The following PCDH11X variants were observed in gnomAD, a reference collection of about 807,000 sequenced individuals.
The protein encoded by PCDH11X is protocadherin-11 X-linked.
In PCDH11X, 18 loss-of-function variants were observed where a neutral mutation model predicts 53.3. That is an observed-to-expected ratio of 0.34 (90% CI 0.23 to 0.50). The LOEUF is 0.50. Among genes scored for constraint, PCDH11X ranks in the 20% least tolerant of loss-of-function variants. The pLI is 0.98. For missense variants in PCDH11X, 570 were observed against 1,032.4 expected, an observed-to-expected ratio of 0.55 and a Z score of 6.14; for synonymous variants, 279 against 393.3, an observed-to-expected ratio of 0.71 and a Z score of 3.44.
At chrX:92,355,126 C>G (rs1284340506) in intron 8 of PCDH11X, among the ~76,000 whole-genome samples, 28 of 107,516 alleles carry the variant, frequency 2.6e-4, no homozygotes, top group Non-Finnish European at 5.3e-4. Flanking sequence ...TTGACTACTT[C>G]TCATTAAAAG....
At chrX:92,561,409 C>T (rs1408003652) in intron 10 of PCDH11X, among the ~76,000 whole-genome samples, 1 of 71,636 alleles carries the variant, frequency 1.4e-5, no homozygotes, top group Non-Finnish European at 2.8e-5. Flanking sequence ...CAAGATAACA[C>T]AGAGAAGTTA....
intron 9 of PCDH11X, among the ~76,000 whole-genome samples, chrX:92,429,246 C>G (rs1265460171): frequency 9.0e-6 from 1 of 110,714 alleles, no homozygotes; most frequent in Non-Finnish European, 1.9e-5. Context: ...CTCCTGAGAA[C>G]ATAGGACGCA....
At chrX:92,077,621 G>GAA (rs1209651633) in intron 6 of PCDH11X, among the ~76,000 whole-genome samples, 211 of 72,716 alleles carry the variant, frequency 2.9e-3, no homozygotes, top group Middle Eastern at 0.016. Flanking sequence ...AGGAAGGAAG[G>GAA]GAGGAAGGAA....
Position 92,290,123 on chromosome X carries a change from A to C in PCDH11X, c.3144+26980A>C, listed in dbSNP as rs750858929. Among the ~76,000 whole-genome samples the C allele has an allele frequency of 4.5e-3, 502 of 111,949 alleles. 2 individuals carry two copies. The highest frequency in any genetic ancestry group is 7.1e-3 in the Non-Finnish European group (375 of 53,152). On this transcript the variant is annotated intron_variant, in intron 8 of 10. Coordinates refer to ENST00000682573, the MANE Select transcript of PCDH11X (RefSeq NM_032968.5). ...ATGCAACTGTTCTTATTTATTTGACATCTAATAAAACAATTATGAATCAAA... is the reference window on the plus strand; with the variant it reads ...ATGCAACTGTTCTTATTTATTTGACCTCTAATAAAACAATTATGAATCAAA...
intron 6 of PCDH11X, among the ~76,000 whole-genome samples, chrX:91,968,954 G>C (rs1444559383): frequency 1.8e-5 from 2 of 111,312 alleles, no homozygotes; most frequent in Admixed American, 9.6e-5. Context: ...CTCTTAGAAA[G>C]TCCGAAATCT....
rs776090765 is a variant in PCDH11X, at chrX:92,220,749, G to A, written c.3114+19294G>A. On this transcript the variant is annotated intron_variant, in intron 7 of 10. Coordinates refer to ENST00000682573, the MANE Select transcript of PCDH11X (RefSeq NM_032968.5). ...ATGCTGCTATAAAGACACATGCACA[G>A]GTATGTTTATTGCGGCACTATTCAC... 1.6e-3 allele frequency among the ~76,000 whole-genome samples: 170 copies of A among 107,369 alleles called. 1 individual carries two copies. Among genetic ancestry groups the A allele is most frequent in the African/African-American group, 5.3e-3 (157 of 29,464 alleles). The allele number at this position is 107,369 out of a possible 115,157, so 93.2% of individuals were successfully genotyped here. A position where few individuals can be genotyped will look rare whatever the true frequency, so the allele number is the denominator to read the frequency against.
intron 6 of PCDH11X, among the ~76,000 whole-genome samples, chrX:91,899,263 G>A (rs190924971): frequency 0.019 from 2,116 of 110,704 alleles, 26 homozygotes; most frequent in Non-Finnish European, 0.025. Flanking sequence ...CTTGAAGTCC[G>A]ATGTTTGAGG....
At chrX:92,484,110 A>G (rs112070522) in intron 10 of PCDH11X, among the ~76,000 whole-genome samples, 855 of 55,995 alleles carry the variant, frequency 0.015, 7 homozygotes, top group Middle Eastern at 0.056. Context: ...GTGTGTGTGT[A>G]TATATATAGT....
At chrX:92,267,299 A>G (rs2067853949) in intron 8 of PCDH11X, among the ~76,000 whole-genome samples, 1 of 112,315 alleles carries the variant, frequency 8.9e-6, no homozygotes, top group South Asian at 3.7e-4. Flanking sequence ...CTAAAGTGCT[A>G]AACTGAATAT....
Position 92,191,872 on chromosome X carries a change from T to A in PCDH11X, c.3034-9503T>A, listed in dbSNP as rs2066198810. On this transcript the variant is annotated intron_variant, in intron 6 of 10. Coordinates refer to ENST00000682573, the MANE Select transcript of PCDH11X (RefSeq NM_032968.5). ...GCCAAATAATTAAGCACAAATAGCA[T>A]CTTCGAAGAACTCAGAAGACATACA... Among the ~76,000 whole-genome samples, 7 of 111,975 alleles carry A rather than the reference T, an allele frequency of 6.3e-5. No homozygotes were observed. In the Admixed American group the frequency reaches 6.7e-4, roughly 11 times the overall value.
chrX:91,920,181 A>AT (rs996816151), intron 6 of PCDH11X, among the ~76,000 whole-genome samples: 4 of 111,337 alleles, frequency 3.6e-5, no homozygotes, highest in Non-Finnish European at 5.7e-5. Flanking sequence ...GAACATTTAG[A>AT]TTTTTTCTCC....
intron 8 of PCDH11X, among the ~76,000 whole-genome samples, chrX:92,386,109 A>G (rs2071006556): frequency 9.0e-6 from 1 of 111,585 alleles, no homozygotes; most frequent in South Asian, 3.7e-4. Context: ...TATTACATGC[A>G]TTAGTCATTT....
chrX:91,902,971 A>G (rs984693862), intron 6 of PCDH11X, among the ~76,000 whole-genome samples: 22 of 111,632 alleles, frequency 2.0e-4, no homozygotes, highest in Non-Finnish European at 3.8e-4. Flanking sequence ...GGTGCCAAGA[A>G]TTTAAAAAGT....
intron 5 of PCDH11X, among the ~76,000 whole-genome samples, chrX:91,849,294 T>C (rs1162460445): frequency 9.0e-6 from 1 of 110,909 alleles, no homozygotes; most frequent in Non-Finnish European, 1.9e-5. Context: ...TTTAAAGTTT[T>C]ATTTTAGGTT....
intron 6 of PCDH11X, among the ~76,000 whole-genome samples, chrX:92,170,066 A>C (rs1157285320): frequency 9.0e-6 from 1 of 111,070 alleles, no homozygotes; most frequent in Non-Finnish European, 1.9e-5. Context: ...GATAAGATAT[A>C]TTTTGTATAA....
At chrX:92,298,466 G>A (rs773047129) in intron 8 of PCDH11X, among the ~76,000 whole-genome samples, 145 of 111,910 alleles carry the variant, frequency 1.3e-3, no homozygotes, top group Non-Finnish European at 1.5e-3. Context: ...TGCATTTGTC[G>A]AAACAAACTT....
intron 1 of PCDH11X, among the ~76,000 whole-genome samples, chrX:91,789,404 C>T (rs1234768729): frequency 1.2e-5 from 1 of 83,774 alleles, no homozygotes; most frequent in African/African-American, 4.5e-5. Flanking sequence ...ATGAGAGCTC[C>T]TCAGGCAGAA....
chrX:92,486,952 C>A (rs2073653767), intron 10 of PCDH11X, among the ~76,000 whole-genome samples: 1 of 105,539 alleles, frequency 9.5e-6, no homozygotes, highest in Admixed American at 1.1e-4. Flanking sequence ...TGTGAAGCCA[C>A]AGAACTCCAT....
At chrX:92,189,352 T>C (rs185038955) in intron 6 of PCDH11X, among the ~76,000 whole-genome samples, 2 of 111,825 alleles carry the variant, frequency 1.8e-5, no homozygotes, top group African/African-American at 6.5e-5. Context: ...GGATAACGGC[T>C]TGCAGCTCGA....
Sources: gnomAD v4.1 joint callset for allele counts (sites outside exome capture counted in the v4.1 genomes callset) on GRCh38, gnomAD v4.1.1 for gene constraint, MANE v1.5 for transcripts, NCBI Gene and HGNC (gene_info 2026-07-23, HGNC 2026-07-21) for gene names.